Variants in ZNF568 observed in about 807,000 individuals in gnomAD.
ZNF568 encodes the protein zinc finger protein 568.
In ZNF568, 11 loss-of-function variants were observed where a neutral mutation model predicts 18.1. The observed-to-expected ratio is 0.61, with a 90% CI of 0.38 to 1.00. The LOEUF (loss-of-function observed/expected upper bound fraction) is 1.00, where lower values mean the gene tolerates loss of function less well. Among genes scored for constraint, ZNF568 ranks in the 50% least tolerant of loss-of-function variants. ZNF568 has a pLI of 0.01. For missense variants in ZNF568, 639 were observed against 768.2 expected, an observed-to-expected ratio of 0.83 and a Z score of 1.99; for synonymous variants, 213 against 246.6, an observed-to-expected ratio of 0.86 and a Z score of 1.28.
At chr19:36,996,555 G>T in exon 5 of ZNF568, 1 of 1,536,116 alleles carries the variant, frequency 6.5e-7, no homozygotes, top group Non-Finnish European at 8.7e-7. Context: ...GTGAATGCAG[G>T]AAATGTAAGA....
At position 36,950,140 on chromosome 19, in the gene ZNF568, T is replaced by C; in HGVS notation, c.987T>C (p.Thr329=). The change falls in exon 7 of 7, where the codon ACT becomes ACC. Residue 329 remains threonine, a synonymous_variant. Transcript: ENST00000333987. ...TCATTGAACATGAGCGAATTCACAC[T>C]GGAGAGAAACCCTATGAATGTAAGG... ...SNLIEHERIH[T]GEKPYECKEC... The C allele has an allele frequency of 6.2e-7, 1 of 1,613,888 alleles. No homozygotes were observed. Among genetic ancestry groups the C allele is most frequent in the Non-Finnish European group, 8.5e-7 (1 of 1,179,922 alleles).
downstream of ZNF568, among the ~76,000 whole-genome samples, chr19:36,957,031 C>A (rs2074112211): frequency 6.6e-6 from 1 of 152,008 alleles, no homozygotes; most frequent in Non-Finnish European, 1.5e-5. Context: ...GTCATTGTTA[C>A]ACAACTTTCA....
At chr19:36,929,684 CAAAAA>C (rs35496094) in intron 4 of ZNF568, among the ~76,000 whole-genome samples, 1 of 114,588 alleles carries the variant, frequency 8.7e-6, no homozygotes, top group Non-Finnish European at 1.8e-5. Context: ...GACTCCGTCT[CAAAAA>C]AAAAAAAAAA....
Position 36,922,780 on chromosome 19 carries a change from C to T in ZNF568, c.10C>T (p.Gln4Ter). MTS[Q>*]SSVISNSCVT... ...AGCAGGCAGGGTCTGAATGACATCT[C>T]AATCTTCAGTGATCAGCAATAGCTG... The change falls in exon 3 of 7, where the codon CAA (glutamine) becomes TAA (stop). Residue 4 changes from glutamine to a stop codon, truncating the protein, a stop_gained. Transcript: ENST00000333987. LOFTEE classifies it high-confidence loss of function. The T allele has an allele frequency of 5.0e-6, 8 of 1,613,980 alleles. No individual in the cohort carries two copies. The highest frequency in any genetic ancestry group is 2.2e-5 in the East Asian group (1 of 44,870).
intron 6 of ZNF568, among the ~76,000 whole-genome samples, chr19:36,938,240 C>T (rs2073822217): frequency 6.6e-6 from 1 of 152,070 alleles, no homozygotes; most frequent in African/African-American, 2.4e-5. Context: ...CCCATTGTTG[C>T]TTTTATACAT....
At chr19:36,948,107 A>C (rs1468154892) in intron 6 of ZNF568, among the ~76,000 whole-genome samples, 1 of 152,150 alleles carries the variant, frequency 6.6e-6, no homozygotes, top group Non-Finnish European at 1.5e-5. Flanking sequence ...GAATACTTTC[A>C]CTGTCCTAAA....
At chr19:36,975,681 C>CTTTTTTTTTT (rs1193440344) in intron 7 of ZNF568, among the ~76,000 whole-genome samples, 915 of 75,746 alleles carry the variant, frequency 0.012, 161 homozygotes, top group African/African-American at 0.019. Context: ...CGCGCCAAGA[C>CTTTTTTTTTT]TTTTTTTTTT....
intron 6 of ZNF568, among the ~76,000 whole-genome samples, chr19:36,967,428 T>G (rs534666072): frequency 6.6e-6 from 1 of 152,228 alleles, no homozygotes; most frequent in South Asian, 2.1e-4. Context: ...CTGGGCATGG[T>G]GGCAGGTGCC....
At chr19:36,923,950 C>G (rs2073501995) in intron 3 of ZNF568, among the ~76,000 whole-genome samples, 1 of 152,092 alleles carries the variant, frequency 6.6e-6, no homozygotes, top group African/African-American at 2.4e-5. Flanking sequence ...CAGCTCTTAT[C>G]TGTGGAAATC....
At position 36,991,249 on chromosome 19, in the gene ZNF568, AT is replaced by A; in HGVS notation, c.86del (p.Leu29CysfsTer5). On this transcript the variant is annotated frameshift_variant, in exon 3 of 5. Coordinates refer to the ZNF568 transcript ENST00000433993. LOFTEE classifies it high-confidence loss of function. ...GAATGCTTGCACTCTGCTCAGAAGG[AT>A]TTGTACCGAGATGTAATGTTGGAAA... 1.3e-6 allele frequency: 2 copies of A among 1,535,790 alleles called. No individual in the cohort carries two copies. Among genetic ancestry groups the A allele is most frequent in the Non-Finnish European group, 1.7e-6 (2 of 1,146,732 alleles).
chr19:36,995,347 TGAG>T (rs1370086612), intron 4 of ZNF568, among the ~76,000 whole-genome samples: 11 of 152,194 alleles, frequency 7.2e-5, no homozygotes, highest in Admixed American at 7.2e-4. Context: ...TGCAATGAGC[TGAG>T]ATCACGTCAT....
At position 36,952,080 on chromosome 19, in the gene ZNF568, C is replaced by A; in HGVS notation, c.*992C>A. ...TCAAGACAAAAGGACTCTGTAATTCCACTTCTAGGTATATATACATCCTAT... is the reference window on the plus strand; with the variant it reads ...TCAAGACAAAAGGACTCTGTAATTCAACTTCTAGGTATATATACATCCTAT... On this transcript the variant is annotated 3_prime_UTR_variant, in exon 7 of 7. Coordinates refer to ENST00000333987, the MANE Select transcript of ZNF568 (RefSeq NM_198539.4). 1 of 876,000 alleles carries A rather than the reference C, an allele frequency of 1.1e-6. No homozygotes were observed. The highest frequency in any genetic ancestry group is 1.3e-6 in the Non-Finnish European group (1 of 766,512). The allele number at this position is 876,000 out of a possible 1,614,324, so 54.3% of individuals were successfully genotyped here.
intron 6 of ZNF568, among the ~76,000 whole-genome samples, chr19:36,969,298 A>G (rs2074218670): frequency 6.6e-6 from 1 of 152,214 alleles, no homozygotes; most frequent in Non-Finnish European, 1.5e-5. Context: ...CTGGAACAGA[A>G]CTAAAGAACC....
At chr19:36,927,888 TATATATATATATA>T (rs1568381501) in intron 4 of ZNF568, among the ~76,000 whole-genome samples, 11 of 8,198 alleles carry the variant, frequency 1.3e-3, no homozygotes, top group Admixed American at 5.6e-3. Context: ...ATATATATAT[TATATATATATATA>T]TATTTTTTTT....
intron 4 of ZNF568, among the ~76,000 whole-genome samples, chr19:36,933,368 C>T (rs1332811485): frequency 6.6e-6 from 1 of 151,654 alleles, no homozygotes; most frequent in East Asian, 1.9e-4. Context: ...TGAGGAAGTT[C>T]CCTTCTTTTG....
intron 4 of ZNF568, among the ~76,000 whole-genome samples, chr19:36,934,101 A>G (rs943750871): frequency 6.6e-6 from 1 of 150,898 alleles, no homozygotes; most frequent in African/African-American, 2.4e-5. Context: ...TTTCTGTAAG[A>G]TTAGTAGTAA....
chr19:36,966,342 C>G (rs2074195028), intron 6 of ZNF568, among the ~76,000 whole-genome samples: 1 of 152,086 alleles, frequency 6.6e-6, no homozygotes, highest in African/African-American at 2.4e-5. Flanking sequence ...AACTCCTGGC[C>G]TCAAACAATC....
intron 4 of ZNF568, among the ~76,000 whole-genome samples, chr19:36,927,349 A>T (rs1184462011): frequency 6.6e-6 from 1 of 152,098 alleles, no homozygotes; most frequent in Non-Finnish European, 1.5e-5. Context: ...CTTTAATCCA[A>T]CTGGATTATA....
chr19:36,936,232 C>A (rs1331432998), intron 4 of ZNF568, among the ~76,000 whole-genome samples: 1 of 152,146 alleles, frequency 6.6e-6, no homozygotes, highest in Non-Finnish European at 1.5e-5. Flanking sequence ...TCTATTCCCT[C>A]TTCCCTTGTT....
Sources: gnomAD v4.1 joint callset for allele counts (sites outside exome capture counted in the v4.1 genomes callset) on GRCh38, gnomAD v4.1.1 for gene constraint, MANE v1.5 for transcripts, NCBI Gene and HGNC (gene_info 2026-07-23, HGNC 2026-07-21) for gene names.